The following PCCA variants were observed in gnomAD, a reference collection of about 807,000 sequenced individuals.
PCCA encodes propionyl-CoA carboxylase alpha chain, mitochondrial.
A neutral mutation model predicts 101.3 loss-of-function variants in PCCA; 74 were observed. That is an observed-to-expected ratio of 0.73 (90% CI 0.61 to 0.89). The LOEUF (loss-of-function observed/expected upper bound fraction) is 0.89. PCCA is among the 40% of genes least tolerant of loss of function. The probability of loss-of-function intolerance (pLI) is 0.00; values close to 1 mark genes in which losing one functional copy is unlikely to be tolerated. For synonymous variants in PCCA, 294 were observed against 313.6 expected (o/e 0.94, Z 0.66); for missense variants, 891 against 907.0 (o/e 0.98, Z 0.23).
chr13:100,231,284 G>A (rs2060456449), intron 7 of PCCA, among the ~76,000 whole-genome samples: 1 of 152,192 alleles, frequency 6.6e-6, no homozygotes, highest in African/African-American at 2.4e-5. Context: ...TGGGCCTATT[G>A]TAATAAAAGC....
chr13:100,373,156 T>C (rs2075681037), intron 19 of PCCA, among the ~76,000 whole-genome samples: 1 of 152,170 alleles, frequency 6.6e-6, no homozygotes, highest in African/African-American at 2.4e-5. Flanking sequence ...AAAGAAGATA[T>C]ACGCATGGCC....
chr13:100,286,253 AG>A (rs1329749775), intron 12 of PCCA, among the ~76,000 whole-genome samples: 1 of 152,224 alleles, frequency 6.6e-6, no homozygotes, highest in Non-Finnish European at 1.5e-5. Flanking sequence ...TTATTTCTAT[AG>A]AAGGGTGTGC....
intron 4 of PCCA, chr13:100,150,808 T>A: frequency 6.3e-7 from 1 of 1,584,970 alleles, no homozygotes; most frequent in East Asian, 2.2e-5. Flanking sequence ...ACTGAAGGCT[T>A]GGAGCAAACT....
chr13:100,192,574 G>A lies in PCCA; in HGVS notation c.469-16758G>A, dbSNP rs142144922. Reference sequence around the variant, plus strand: ...CTCTGATGATCAAAAAACTGTTTACGCATGCACCAGTAGTCCCAGCTACTC... The same window carrying A: ...CTCTGATGATCAAAAAACTGTTTACACATGCACCAGTAGTCCCAGCTACTC... On this transcript the variant is annotated intron_variant, in intron 6 of 23. Transcript: ENST00000376285. Among the ~76,000 whole-genome samples, 159 of 152,274 alleles carry A rather than the reference G, an allele frequency of 1.0e-3. 1 individual carries two copies. The highest frequency in any genetic ancestry group is 2.5e-3 in the East Asian group (13 of 5,182).
At chr13:100,463,878 C>T (rs1011229606) in intron 21 of PCCA, among the ~76,000 whole-genome samples, 4 of 152,124 alleles carry the variant, frequency 2.6e-5, no homozygotes, top group Non-Finnish European at 4.4e-5. Flanking sequence ...TTCATTGTAA[C>T]CTCAGTTATG....
chr13:100,126,315 A>G (rs998825667), intron 4 of PCCA, among the ~76,000 whole-genome samples: 16 of 152,034 alleles, frequency 1.1e-4, no homozygotes, highest in Admixed American at 8.5e-4. Context: ...ATTTAAACCT[A>G]TGTTTGCTTT....
chr13:100,339,650 C>T (rs2071012814), intron 17 of PCCA, among the ~76,000 whole-genome samples: 1 of 152,140 alleles, frequency 6.6e-6, no homozygotes, highest in South Asian at 2.1e-4. Context: ...GATTGGGATT[C>T]ATGCAGAGAA....
At chr13:100,228,044 C>G (rs1594820196) in intron 7 of PCCA, among the ~76,000 whole-genome samples, 1 of 151,876 alleles carries the variant, frequency 6.6e-6, no homozygotes, top group Non-Finnish European at 1.5e-5. Context: ...CAGACAGGGT[C>G]TTGCTCTTTC....
At chr13:100,400,520 G>C (rs1386365483) in intron 19 of PCCA, among the ~76,000 whole-genome samples, 1 of 151,770 alleles carries the variant, frequency 6.6e-6, no homozygotes, top group African/African-American at 2.4e-5. Flanking sequence ...GTGTTGGGGT[G>C]GGTCTTTGTG....
At chr13:100,188,294 A>AAAAACAAAACAAAAC (rs60307671) in intron 6 of PCCA, among the ~76,000 whole-genome samples, 15,833 of 146,894 alleles carry the variant, frequency 0.11, 980 homozygotes, top group African/African-American at 0.13. Flanking sequence ...TCTGTCTCAA[A>AAAAACAAAACAAAAC]AAAACAAAAC....
At chr13:100,100,219 T>C (rs1014532197) in intron 1 of PCCA, among the ~76,000 whole-genome samples, 3 of 152,222 alleles carry the variant, frequency 2.0e-5, no homozygotes, top group Admixed American at 6.5e-5. Flanking sequence ...CCAAGTCTTG[T>C]GACTCTGAGG....
At chr13:100,185,652 T>C (rs2057192452) in intron 6 of PCCA, among the ~76,000 whole-genome samples, 1 of 151,334 alleles carries the variant, frequency 6.6e-6, no homozygotes, top group African/African-American at 2.4e-5. Context: ...TTTTTCTTTT[T>C]TTTTTTTTTT....
At chr13:100,423,450 G>C (rs908343051) in intron 19 of PCCA, among the ~76,000 whole-genome samples, 2 of 152,222 alleles carry the variant, frequency 1.3e-5, no homozygotes, top group Admixed American at 1.3e-4. Context: ...TTATGTATCT[G>C]TGTATTGCTA....
At chr13:100,459,338 C>T (rs2082022314) in intron 21 of PCCA, among the ~76,000 whole-genome samples, 1 of 152,168 alleles carries the variant, frequency 6.6e-6, no homozygotes, top group Non-Finnish European at 1.5e-5. Context: ...GATCTGAAAG[C>T]CTACTTGACA....
chr13:100,198,010 G>A (rs2058225339), intron 6 of PCCA, among the ~76,000 whole-genome samples: 1 of 152,202 alleles, frequency 6.6e-6, no homozygotes, highest in Admixed American at 6.5e-5. Context: ...CTGTTTGCAG[G>A]TGTGTCTGCC....
At chr13:100,234,590 A>G (rs987684929) in intron 7 of PCCA, among the ~76,000 whole-genome samples, 6 of 152,054 alleles carry the variant, frequency 3.9e-5, no homozygotes, top group African/African-American at 1.4e-4. Flanking sequence ...TTTTCTGACA[A>G]CTTCCCCTGC....
chr13:100,309,946 T>C (rs764667761), intron 16 of PCCA, 38 bp downstream of exon 16: 1 of 1,422,712 alleles, frequency 7.0e-7, no homozygotes, highest in Non-Finnish European at 9.9e-7. Context: ...TTATTGTATA[T>C]GGTGTCCAGT....
intron 16 of PCCA, among the ~76,000 whole-genome samples, chr13:100,311,157 C>T (rs1330270315): frequency 4.0e-5 from 6 of 151,496 alleles, no homozygotes; most frequent in South Asian, 2.1e-4. Context: ...TGCTTGAACC[C>T]GGGAGGCTTA....
At chr13:100,453,394 C>T (rs144892542) in intron 21 of PCCA, among the ~76,000 whole-genome samples, 6 of 151,506 alleles carry the variant, frequency 4.0e-5, no homozygotes, top group African/African-American at 1.5e-4. Context: ...CCAGCTACTA[C>T]AGGAGGCTGA....
Sources: gnomAD v4.1 joint callset for allele counts (sites outside exome capture counted in the v4.1 genomes callset) on GRCh38, gnomAD v4.1.1 for gene constraint, MANE v1.5 for transcripts, NCBI Gene and HGNC (gene_info 2026-07-23, HGNC 2026-07-21) for gene names.